CNPY1: variants seen among roughly 807,000 people sequenced by gnomAD.
CNPY1 encodes the protein protein canopy homolog 1.
CNPY1 carries 14 observed loss-of-function variants against 14.4 expected under a neutral mutation model. The ratio of observed to expected loss-of-function variants is 0.97; its 90% CI spans 0.64 to 1.52. The LOEUF (loss-of-function observed/expected upper bound fraction) is 1.52, where lower values mean the gene tolerates loss of function less well. Among genes scored for constraint, CNPY1 ranks in the 40% most tolerant of loss-of-function variants. The pLI is 0.00. For synonymous variants in CNPY1, 43 were observed against 46.5 expected, an observed-to-expected ratio of 0.92 and a Z score of 0.31; for missense variants, 129 against 131.5, an observed-to-expected ratio of 0.98 and a Z score of 0.09.
At chr7:155,531,499 A>G (rs1796936028) in intron 2 of CNPY1, among the ~76,000 whole-genome samples, 1 of 152,182 alleles carries the variant, frequency 6.6e-6, no homozygotes, top group Non-Finnish European at 1.5e-5. Context: ...GACGCCGCCA[A>G]GCCTTCAACC....
chr7:155,540,305 C>A (rs1296444760), intron 2 of CNPY1, among the ~76,000 whole-genome samples: 1 of 152,168 alleles, frequency 6.6e-6, no homozygotes, highest in African/African-American at 2.4e-5. Context: ...GCCAAAGCAC[C>A]GTGCACTGGG....
At chr7:155,507,678 C>G (rs1368795675) in intron 3 of CNPY1, among the ~76,000 whole-genome samples, 1 of 151,990 alleles carries the variant, frequency 6.6e-6, no homozygotes, top group East Asian at 1.9e-4. Flanking sequence ...TCTTTTCATG[C>G]TGTTTAGAGA....
rs970116503 is a variant in CNPY1, at chr7:155,534,235, G to A, written c.99+11596C>T. ...AGATAGGCTGCCAGCCCACGCAGCT[G>A]CTCCACGCCTTCCCTGTCTCTGCTC... On this transcript the variant is annotated intron_variant, in intron 2 of 4. Coordinates refer to ENST00000636446, the MANE Select transcript of CNPY1 (RefSeq NM_001393663.1). Among the ~76,000 whole-genome samples the A allele has an allele frequency of 1.1e-4, 16 of 152,322 alleles. No homozygotes were observed. In the East Asian group the frequency reaches 3.1e-3, roughly 29 times the overall value.
chr7:155,525,130 C>T (rs6968788), intron 2 of CNPY1, among the ~76,000 whole-genome samples: 11,774 of 152,210 alleles, frequency 0.077, 507 homozygotes, highest in South Asian at 0.18. Flanking sequence ...AATCTTGAAT[C>T]GCCTGTTTAT....
At position 155,509,029 on chromosome 7, in the gene CNPY1, G is replaced by T; in HGVS notation, c.168C>A (p.Asp56Glu). The T allele has an allele frequency of 6.2e-7, 1 of 1,613,038 alleles. No individual in the cohort carries two copies. The highest frequency in any genetic ancestry group is 1.7e-5 in the Admixed American group (1 of 59,770). Residue 56 changes from aspartate to glutamate, a missense_variant, in exon 3 of 5, where the codon GAC becomes GAA. Transcript: ENST00000636446. ...LLEKVCERMN[D>E]YKLEEDPVTK... ...TCACAGGGTCTTCCTCAAGCTTGTAGTCGTTCATTCGCTCACAGACTTTCT... is the reference window on the plus strand; with the variant it reads ...TCACAGGGTCTTCCTCAAGCTTGTATTCGTTCATTCGCTCACAGACTTTCT...
chr7:155,539,581 T>C (rs1797060939), intron 2 of CNPY1, among the ~76,000 whole-genome samples: 1 of 152,174 alleles, frequency 6.6e-6, no homozygotes, highest in Non-Finnish European at 1.5e-5. Context: ...TGTTTCATAG[T>C]ACATAATGGG....
At chr7:155,543,695 C>T (rs1457101758) in intron 2 of CNPY1, among the ~76,000 whole-genome samples, 3 of 152,198 alleles carry the variant, frequency 2.0e-5, no homozygotes, top group Non-Finnish European at 4.4e-5. Context: ...AACACAAGGG[C>T]TTTAAAGACG....
At chr7:155,514,161 T>A (rs879491290) in intron 2 of CNPY1, among the ~76,000 whole-genome samples, 2 of 152,256 alleles carry the variant, frequency 1.3e-5, no homozygotes, top group Non-Finnish European at 2.9e-5. Flanking sequence ...CGGAGCATGA[T>A]GCGAATGTGT....
chr7:155,525,064 TTCTC>T (rs367591209), intron 2 of CNPY1, among the ~76,000 whole-genome samples: 1 of 152,094 alleles, frequency 6.6e-6, no homozygotes, highest in Non-Finnish European at 1.5e-5. Context: ...ACCATCACCT[TTCTC>T]TCTCTCTCAG....
At chr7:155,521,041 G>GAA (rs35803409) in intron 2 of CNPY1, among the ~76,000 whole-genome samples, 24,898 of 147,478 alleles carry the variant, frequency 0.17, 2,346 homozygotes, top group South Asian at 0.38. Context: ...GCATGAGAAT[G>GAA]AAAAAAAAAG....
intron 2 of CNPY1, among the ~76,000 whole-genome samples, chr7:155,518,836 G>C (rs1472172431): frequency 5.9e-5 from 9 of 152,224 alleles, no homozygotes; most frequent in Admixed American, 5.9e-4. Context: ...CGGGCAGCCT[G>C]TGTGGTGGAA....
intron 2 of CNPY1, among the ~76,000 whole-genome samples, chr7:155,545,477 G>A (rs552884542): frequency 1.3e-5 from 2 of 152,288 alleles, no homozygotes; most frequent in East Asian, 3.9e-4. Flanking sequence ...GAGGGAGTGT[G>A]GTACCCAGGA....
intron 2 of CNPY1, among the ~76,000 whole-genome samples, chr7:155,521,361 TGACA>T (rs1796720723): frequency 2.6e-5 from 4 of 152,214 alleles, no homozygotes; most frequent in African/African-American, 4.8e-5. Context: ...GACCCAAGAA[TGACA>T]GACAAAGAAC....
chr7:155,540,806 T>C (rs1343187530), intron 2 of CNPY1, among the ~76,000 whole-genome samples: 1 of 152,202 alleles, frequency 6.6e-6, no homozygotes, highest in East Asian at 1.9e-4. Context: ...TCCAGCTCCC[T>C]GACCCTGGGT....
intron 2 of CNPY1, among the ~76,000 whole-genome samples, chr7:155,535,451 C>T (rs1797012447): frequency 6.6e-6 from 1 of 152,146 alleles, no homozygotes; most frequent in Non-Finnish European, 1.5e-5. Context: ...CACTCAGGCA[C>T]AATGGCAGCC....
chr7:155,519,469 C>T (rs1796677578), intron 2 of CNPY1, among the ~76,000 whole-genome samples: 1 of 151,142 alleles, frequency 6.6e-6, no homozygotes, highest in Non-Finnish European at 1.5e-5. Flanking sequence ...TGTGGTGGAC[C>T]GACATCGCAC....
At chr7:155,516,789 T>A (rs1796629973) in intron 2 of CNPY1, among the ~76,000 whole-genome samples, 1 of 152,120 alleles carries the variant, frequency 6.6e-6, no homozygotes, top group African/African-American at 2.4e-5. Context: ...CTCGGGCCAT[T>A]CCCTTGGTCC....
chr7:155,522,400 C>T (rs944052985), intron 2 of CNPY1, among the ~76,000 whole-genome samples: 13 of 152,268 alleles, frequency 8.5e-5, no homozygotes, highest in South Asian at 6.2e-4. Flanking sequence ...GACCTGGTTT[C>T]CTCGTGGCCT....
chr7:155,530,218 G>A (rs945884843), intron 2 of CNPY1, among the ~76,000 whole-genome samples: 9 of 151,176 alleles, frequency 6.0e-5, no homozygotes, highest in Admixed American at 3.3e-4. Context: ...TCTCCACATC[G>A]GCCCTAACTA....
Sources: allele counts gnomAD v4.1 joint callset (sites outside exome capture counted in the v4.1 genomes callset), GRCh38; gene constraint gnomAD v4.1.1; transcripts MANE v1.5; gene names NCBI Gene and HGNC (gene_info 2026-07-23, HGNC 2026-07-21).